Variants in CTNNA3 observed in about 807,000 individuals in gnomAD.
CTNNA3 encodes the protein catenin alpha 3.
CTNNA3 carries 76 observed loss-of-function variants against 95.7 expected under a neutral mutation model. The ratio of observed to expected loss-of-function variants is 0.79; its 90% CI spans 0.66 to 0.96. The LOEUF is 0.96. Among genes scored for constraint, CTNNA3 ranks in the 40% least tolerant of loss-of-function variants. The pLI is 0.00. For missense variants in CTNNA3, 1,191 were observed against 1,089.8 expected, an observed-to-expected ratio of 1.09 and a Z score of -1.31; for synonymous variants, 431 against 374.4, an observed-to-expected ratio of 1.15 and a Z score of -1.74.
At chr10:67,583,355 A>T (rs1842485272) in intron 3 of CTNNA3, among the ~76,000 whole-genome samples, 1 of 152,188 alleles carries the variant, frequency 6.6e-6, no homozygotes, top group African/African-American at 2.4e-5. Flanking sequence ...TGGATTGAAA[A>T]TTCTTTTCTT....
intron 5 of CTNNA3, among the ~76,000 whole-genome samples, chr10:67,315,961 C>T (rs1841032756): frequency 6.6e-6 from 1 of 152,080 alleles, no homozygotes; most frequent in Non-Finnish European, 1.5e-5. Flanking sequence ...TTGAAATTGA[C>T]TCCTAATAAA....
chr10:67,602,957 T>G lies in CTNNA3; in HGVS notation c.292+3900A>C, dbSNP rs189166825. Among the ~76,000 whole-genome samples the G allele has an allele frequency of 7.9e-5, 12 of 152,366 alleles. No homozygotes were observed. The East Asian group carries it at 2.3e-3, about 29-fold the overall frequency. ...AAGGATGCTTCAACTTTTTAATTTATTTAACAAACGTTTAACAGGTGTCTG... is the reference window on the plus strand; with the variant it reads ...AAGGATGCTTCAACTTTTTAATTTAGTTAACAAACGTTTAACAGGTGTCTG... On this transcript the variant is annotated intron_variant, in intron 3 of 17. Coordinates refer to ENST00000433211, the MANE Select transcript of CTNNA3 (RefSeq NM_013266.4).
chr10:66,470,540 C>A (rs570206763), intron 11 of CTNNA3, among the ~76,000 whole-genome samples: 1 of 151,982 alleles, frequency 6.6e-6, no homozygotes, highest in African/African-American at 2.4e-5. Context: ...TTGAATGAAG[C>A]ATTCTAAAGC....
chr10:67,602,652 T>C (rs181132839), intron 3 of CTNNA3, among the ~76,000 whole-genome samples: 1 of 152,336 alleles, frequency 6.6e-6, no homozygotes, highest in East Asian at 1.9e-4. Context: ...ACATCTTTTT[T>C]TTGAACTAAA....
intron 5 of CTNNA3, among the ~76,000 whole-genome samples, chr10:67,491,504 G>C (rs1276457225): frequency 6.6e-6 from 1 of 152,180 alleles, no homozygotes; most frequent in Non-Finnish European, 1.5e-5. Context: ...TGAAGTACAA[G>C]TAAGAGCCAG....
At chr10:66,694,122 T>G (rs1171779526) in intron 9 of CTNNA3, among the ~76,000 whole-genome samples, 1 of 151,824 alleles carries the variant, frequency 6.6e-6, no homozygotes, top group Non-Finnish European at 1.5e-5. Context: ...AGAGCAGAAC[T>G]GAAGGAAATA....
chr10:67,274,141 T>C (rs1222980108), intron 5 of CTNNA3, among the ~76,000 whole-genome samples: 3 of 151,924 alleles, frequency 2.0e-5, no homozygotes, highest in African/African-American at 7.3e-5. Context: ...AGTAAAATAA[T>C]TAAACTGAAC....
intron 11 of CTNNA3, among the ~76,000 whole-genome samples, chr10:66,468,847 C>T (rs1839024714): frequency 6.6e-6 from 1 of 151,720 alleles, no homozygotes; most frequent in Non-Finnish European, 1.5e-5. Flanking sequence ...GGTATTTTTT[C>T]AATAGTTTTA....
intron 5 of CTNNA3, among the ~76,000 whole-genome samples, chr10:67,248,398 TTTTTTG>T (rs1865983934): frequency 1.3e-5 from 2 of 152,064 alleles, no homozygotes; most frequent in Non-Finnish European, 2.9e-5. Flanking sequence ...TTTTTTCGTG[TTTTTTG>T]TTTTTGTTTT....
At chr10:67,097,260 A>G (rs1005470483) in intron 7 of CTNNA3, among the ~76,000 whole-genome samples, 4 of 151,962 alleles carry the variant, frequency 2.6e-5, no homozygotes, top group African/African-American at 9.7e-5. Context: ...TATCAGTTCT[A>G]AAAACACAAT....
chr10:67,650,844 T>C (rs564130616), intron 1 of CTNNA3, among the ~76,000 whole-genome samples: 8 of 152,276 alleles, frequency 5.3e-5, no homozygotes, highest in African/African-American at 1.7e-4. Context: ...GAGAGGCCAG[T>C]GGAAAACTAT....
chr10:66,318,130 C>G (rs991146265), intron 12 of CTNNA3, among the ~76,000 whole-genome samples: 11 of 151,896 alleles, frequency 7.2e-5, no homozygotes, highest in African/African-American at 2.7e-4. Flanking sequence ...CAAAATGAAG[C>G]TTGCTTTGCA....
chr10:67,161,832 G>A (rs10822990), intron 7 of CTNNA3, among the ~76,000 whole-genome samples: 56,917 of 151,862 alleles, frequency 0.37, 15,555 homozygotes, highest in African/African-American at 0.78. Context: ...AAAGTAAAAG[G>A]GTGGAAAAAG....
chr10:66,416,676 A>G (rs2093148936), intron 11 of CTNNA3, among the ~76,000 whole-genome samples: 1 of 152,040 alleles, frequency 6.6e-6, no homozygotes, highest in Non-Finnish European at 1.5e-5. Context: ...ATGCTGAAAG[A>G]AAAACTGCAA....
chr10:66,322,198 C>T (rs2132291481), intron 12 of CTNNA3, among the ~76,000 whole-genome samples: 1 of 152,240 alleles, frequency 6.6e-6, no homozygotes, highest in South Asian at 2.1e-4. Flanking sequence ...CACCCTACTG[C>T]TTCTGGCTTT....
At chr10:67,260,129 G>T (rs1866536460) in intron 5 of CTNNA3, among the ~76,000 whole-genome samples, 1 of 152,126 alleles carries the variant, frequency 6.6e-6, no homozygotes, top group South Asian at 2.1e-4. Flanking sequence ...CCCAATAACG[G>T]CATCGTTTCC....
intron 12 of CTNNA3, among the ~76,000 whole-genome samples, chr10:66,288,359 T>TA (rs11390538): frequency 0.25 from 34,601 of 140,326 alleles, 4,209 homozygotes; most frequent in African/African-American, 0.33. Flanking sequence ...GATTCTACAA[T>TA]AAAAAAAATA....
chr10:66,873,544 G>A (rs1444497251), intron 7 of CTNNA3, among the ~76,000 whole-genome samples: 1 of 151,826 alleles, frequency 6.6e-6, no homozygotes, highest in East Asian at 1.9e-4. Flanking sequence ...CTTGCCCTCT[G>A]TCCATTTTTT....
intron 7 of CTNNA3, among the ~76,000 whole-genome samples, chr10:66,945,784 G>T (rs369583716): frequency 6.6e-6 from 1 of 152,092 alleles, no homozygotes. Context: ...CCACTGTAGG[G>T]TTATTAATGG....
Sources: gnomAD v4.1 joint callset for allele counts (sites outside exome capture counted in the v4.1 genomes callset) on GRCh38, gnomAD v4.1.1 for gene constraint, MANE v1.5 for transcripts, NCBI Gene and HGNC (gene_info 2026-07-23, HGNC 2026-07-21) for gene names.